The following PPARGC1A variants were observed in gnomAD, a reference collection of about 807,000 sequenced individuals.
PPARGC1A encodes peroxisome proliferator-activated receptor gamma coactivator 1-alpha.
In PPARGC1A, 25 loss-of-function variants were observed where a neutral mutation model predicts 88.7. The ratio of observed to expected loss-of-function variants is 0.28; its 90% CI spans 0.21 to 0.39. The LOEUF (loss-of-function observed/expected upper bound fraction) is 0.39, where lower values mean the gene tolerates loss of function less well. PPARGC1A is among the 10% of genes least tolerant of loss of function. PPARGC1A has a pLI of 1.00. For missense variants in PPARGC1A, 880 were observed against 968.7 expected, an observed-to-expected ratio of 0.91 and a Z score of 1.22; for synonymous variants, 363 against 355.6, an observed-to-expected ratio of 1.02 and a Z score of -0.24.
chr4:24,131,157 C>T, the PPARGC1A span, among the ~76,000 whole-genome samples: 1 of 152,034 alleles, frequency 6.6e-6, no homozygotes, highest in Admixed American at 6.5e-5. Context: ...TAGCACAGTG[C>T]CAGGCACACA....
chr4:24,323,968 TTTCAA>T, the PPARGC1A span, among the ~76,000 whole-genome samples: 1 of 152,232 alleles, frequency 6.6e-6, no homozygotes, highest in Non-Finnish European at 1.5e-5. Flanking sequence ...CTTCTCTTAA[TTTCAA>T]TTCCTTTCAT....
the PPARGC1A span, among the ~76,000 whole-genome samples, chr4:24,279,682 G>A: frequency 8.5e-5 from 13 of 152,066 alleles, no homozygotes; most frequent in East Asian, 1.9e-4. Flanking sequence ...TGACACACGC[G>A]GCACCCTCAG....
the PPARGC1A span, among the ~76,000 whole-genome samples, chr4:24,205,672 T>C: frequency 6.6e-6 from 1 of 152,138 alleles, no homozygotes; most frequent in African/African-American, 2.4e-5. Flanking sequence ...CCTTCCAACC[T>C]GAACAGGAGG....
At chr4:23,877,327 T>G (rs1444586557) in intron 2 of PPARGC1A, among the ~76,000 whole-genome samples, 1 of 114,794 alleles carries the variant, frequency 8.7e-6, no homozygotes, top group African/African-American at 3.5e-5. Context: ...CCATCCTGGC[T>G]AACACGGGGA....
chr4:24,400,355 T>C, the PPARGC1A span, among the ~76,000 whole-genome samples: 227 of 152,242 alleles, frequency 1.5e-3, no homozygotes, highest in Non-Finnish European at 2.7e-3. Flanking sequence ...AGGAGAGAGA[T>C]GGGCCTAGCC....
At chr4:24,416,039 G>A in the PPARGC1A span, among the ~76,000 whole-genome samples, 2 of 152,264 alleles carry the variant, frequency 1.3e-5, no homozygotes, top group South Asian at 2.1e-4. Flanking sequence ...TGGGCTTAAG[G>A]AATCAGGAAA....
At chr4:24,028,395 C>G in the PPARGC1A span, among the ~76,000 whole-genome samples, 2 of 152,160 alleles carry the variant, frequency 1.3e-5, no homozygotes, top group Non-Finnish European at 2.9e-5. Context: ...GGAATTTTGT[C>G]CTTGTCAAAA....
chr4:24,174,766 A>T, the PPARGC1A span, among the ~76,000 whole-genome samples: 1 of 152,066 alleles, frequency 6.6e-6, no homozygotes. Flanking sequence ...CTCCTCTATC[A>T]ACAACTCCAC....
At chr4:24,259,044 G>C in the PPARGC1A span, among the ~76,000 whole-genome samples, 1 of 152,122 alleles carries the variant, frequency 6.6e-6, no homozygotes, top group South Asian at 2.1e-4. Flanking sequence ...TCTACAGAAA[G>C]ATCTGATAGT....
rs560180471 is a variant in PPARGC1A at position 23,875,150 on chromosome 4, A to G, written c.234+9602T>C. 2.0e-5 allele frequency among the ~76,000 whole-genome samples: 3 copies of G among 152,206 alleles called. No individual in the cohort carries two copies. In the East Asian group the frequency reaches 5.8e-4, roughly 30 times the overall value. On this transcript the variant is annotated intron_variant, in intron 2 of 12. Transcript: ENST00000264867. ...CAAGTTAGTATCCCTCAATAGGGAG[A>G]CCTAAAAAGATAATTGTTTGTGGAC...
the PPARGC1A span, among the ~76,000 whole-genome samples, chr4:24,024,318 C>T: frequency 1.3e-5 from 2 of 152,190 alleles, no homozygotes; most frequent in Non-Finnish European, 2.9e-5. Flanking sequence ...AGTCAAGTCA[C>T]ACAGTGGGTG....
At chr4:24,160,993 G>A in the PPARGC1A span, among the ~76,000 whole-genome samples, 1 of 152,118 alleles carries the variant, frequency 6.6e-6, no homozygotes, top group Non-Finnish European at 1.5e-5. Flanking sequence ...CAAACTCTTA[G>A]AATGAAAGTT....
At chr4:23,917,026 G>A in the PPARGC1A span, among the ~76,000 whole-genome samples, 4 of 152,170 alleles carry the variant, frequency 2.6e-5, no homozygotes, top group African/African-American at 9.7e-5. Context: ...CAACGACTGT[G>A]TTCTTGTTCC....
the PPARGC1A span, among the ~76,000 whole-genome samples, chr4:24,208,682 A>AAAAAAATATAT: frequency 9.6e-5 from 13 of 134,978 alleles, no homozygotes; most frequent in African/African-American, 1.9e-4. Context: ...TCAGAAAAAA[A>AAAAAAATATAT]ATATATATAT....
intron 2 of PPARGC1A, among the ~76,000 whole-genome samples, chr4:23,859,641 C>A (rs751149328): frequency 6.6e-6 from 1 of 151,708 alleles, no homozygotes; most frequent in Non-Finnish European, 1.5e-5. Flanking sequence ...ATTAGCCCAG[C>A]GTGGTGGCGG....
At chr4:23,990,150 T>C in the PPARGC1A span, among the ~76,000 whole-genome samples, 8 of 147,470 alleles carry the variant, frequency 5.4e-5, no homozygotes, top group African/African-American at 2.0e-4. Flanking sequence ...GTATATATAA[T>C]CCATGGAATA....
At chr4:24,050,185 T>C in the PPARGC1A span, among the ~76,000 whole-genome samples, 1 of 143,718 alleles carries the variant, frequency 7.0e-6, no homozygotes. Flanking sequence ...ATTTAGTCCC[T>C]TAGGTGACCT....
the PPARGC1A span, among the ~76,000 whole-genome samples, chr4:24,175,375 G>GTT: frequency 3.7e-4 from 42 of 114,972 alleles, no homozygotes; most frequent in Non-Finnish European, 4.6e-4. Context: ...TCTTTGTTTC[G>GTT]TTTTTTTTTT....
the PPARGC1A span, among the ~76,000 whole-genome samples, chr4:24,122,742 G>A: frequency 3.9e-5 from 6 of 152,054 alleles, no homozygotes; most frequent in Non-Finnish European, 7.4e-5. Flanking sequence ...CCAACTAAGG[G>A]CTTAGAGATG....
Sources: allele counts gnomAD v4.1 joint callset (sites outside exome capture counted in the v4.1 genomes callset), GRCh38; gene constraint gnomAD v4.1.1; transcripts MANE v1.5; gene names NCBI Gene and HGNC (gene_info 2026-07-23, HGNC 2026-07-21).